ENO1: variants seen among roughly 807,000 people sequenced by gnomAD.
The protein encoded by ENO1 is enolase 1, also known as alpha-enolase.
Under a neutral mutation model 46.3 loss-of-function variants are expected in ENO1, and 33 were observed. The ratio of observed to expected loss-of-function variants is 0.71; its 90% CI spans 0.54 to 0.95. The LOEUF is 0.95. Among genes scored for constraint, ENO1 ranks in the 40% least tolerant of loss-of-function variants. The pLI is 0.00. For missense variants in ENO1, 488 were observed against 553.3 expected (o/e 0.88, Z 1.18); for synonymous variants, 220 against 216.0 (o/e 1.02, Z -0.16).
In ENO1 at chr1:8,864,097, G is replaced by A; in HGVS notation, c.866-5C>T. On this transcript the variant is annotated splice_polypyrimidine_tract_variant and splice_region_variant and intron_variant, in intron 8 of 11. Transcript: ENST00000234590. ...AGGGATCTTCGATAGACACCACTAA[G>A]GAAAGGAGGGACACGCTTCATCAGT... The A allele has an allele frequency of 6.2e-7, 1 of 1,613,874 alleles. No homozygotes were observed.
chr1:8,865,583 G>C (rs1432810563), intron 7 of ENO1, 101 bp from the exon 8 acceptor site: 2 of 1,166,862 alleles, frequency 1.7e-6, no homozygotes, highest in African/African-American at 3.0e-5. Context: ...AAGATCAACA[G>C]GTGTTCAGGC....
intron 9 of ENO1, 150 bp downstream of exon 9, chr1:8,863,741 A>C: frequency 1.1e-6 from 1 of 901,436 alleles, no homozygotes; most frequent in South Asian, 1.6e-5. Context: ...TTAATTTAAA[A>C]GGCTCCTGAG....
chr1:8,875,378 GATGA>G (rs1642714750), intron 1 of ENO1, among the ~76,000 whole-genome samples: 1 of 151,990 alleles, frequency 6.6e-6, no homozygotes. Flanking sequence ...CAAATAGAAA[GATGA>G]ATGTGTTGCT....
intron 9 of ENO1, 152 bp from the exon 10 acceptor site, chr1:8,863,495 G>A: frequency 3.9e-6 from 3 of 766,232 alleles, no homozygotes; most frequent in South Asian, 1.9e-5. Context: ...GAGCACAGAG[G>A]AGAACCCTCA....
intron 1 of ENO1, among the ~76,000 whole-genome samples, chr1:8,877,113 A>G (rs753317337): frequency 6.6e-6 from 1 of 151,680 alleles, no homozygotes; most frequent in Non-Finnish European, 1.5e-5. Context: ...GCCCACCACC[A>G]CACCCGGCTA....
chr1:8,872,450 T>C (rs898377137), intron 2 of ENO1, among the ~76,000 whole-genome samples: 1 of 152,132 alleles, frequency 6.6e-6, no homozygotes, highest in Admixed American at 6.5e-5. Context: ...TGGCGTGATC[T>C]TGGCTCACTG....
Position 8,865,334 on chromosome 1 carries a change from C to T in ENO1, c.816G>A (p.Ser272=), listed in dbSNP as rs751946897. ...TGTACAGGTCAGCCAGCTGGTCAGG[C>T]GAGATGTACCTGCTGGGGTCATCGG... ...KSPDDPSRYI[S]PDQLADLYKS... The change falls in exon 8 of 12, where the codon TCG becomes TCA. Residue 272 remains serine, a synonymous_variant. Transcript: ENST00000234590. 32 of 1,614,014 alleles carry T rather than the reference C, an allele frequency of 2.0e-5. No homozygotes were observed. Among genetic ancestry groups the T allele is most frequent in the Admixed American group, 1.0e-4 (6 of 59,990 alleles).
At position 8,867,182 on chromosome 1, in the gene ENO1, C is replaced by A. The variant is rs1207221510; in HGVS notation, c.379G>T (p.Gly127Trp). The A allele has an allele frequency of 6.2e-7, 1 of 1,614,070 alleles. No individual in the cohort carries two copies. The highest frequency in any genetic ancestry group is 8.5e-7 in the Non-Finnish European group (1 of 1,180,040). Residue 127 changes from glycine to tryptophan, a missense_variant, in exon 6 of 12, where the codon GGG becomes TGG. By Grantham distance (184) the Gly-to-Trp change is radical (BLOSUM62 -2). Coordinates refer to ENST00000234590, the MANE Select transcript of ENO1 (RefSeq NM_001428.5). ...AVCKAGAVEK[G>W]VPLYRHIADL... ...GCGATGTGGCGGTACAGGGGGACCC[C>A]CTTCTCAACGGCACCAGCTTTGCAG... is the stretch of plus-strand genomic sequence containing the variant.
At chr1:8,873,614 G>A (rs1642676042) in intron 2 of ENO1, among the ~76,000 whole-genome samples, 1 of 152,198 alleles carries the variant, frequency 6.6e-6, no homozygotes, top group Non-Finnish European at 1.5e-5. Flanking sequence ...AAGCCAGTGA[G>A]AAACCCCACA....
chr1:8,861,965 GTGAAACCCCGTC>G (rs1642415062), intron 11 of ENO1, among the ~76,000 whole-genome samples: 1 of 151,126 alleles, frequency 6.6e-6, no homozygotes, highest in African/African-American at 2.4e-5. Flanking sequence ...GACCAATATG[GTGAAACCCCGTC>G]TCTATTAAAA....
chr1:8,875,068 A>G (rs911509968), intron 1 of ENO1, among the ~76,000 whole-genome samples, 151 bp from the exon 2 acceptor site: 6 of 152,148 alleles, frequency 3.9e-5, no homozygotes, highest in African/African-American at 1.4e-4. Context: ...GGGTGGGGGG[A>G]AAAGCCTGCT....
chr1:8,873,230 T>TG lies in ENO1; in HGVS notation c.86-1245dup, dbSNP rs542016969. 2.5e-3 allele frequency among the ~76,000 whole-genome samples: 377 copies of TG among 152,170 alleles called. 2 individuals carry two copies. The highest frequency in any genetic ancestry group is 8.5e-3 in the African/African-American group (353 of 41,500). ...ACCACTCTAGTGGGGATGCTGACAA[T>TG]GGGGGGGCTGCGCATGTGCAGAGGC... On this transcript the variant is annotated intron_variant, in intron 2 of 11. Transcript: ENST00000234590.
At position 8,866,470 on chromosome 1, in the gene ENO1, G is replaced by A. The variant is rs767550451; in HGVS notation, c.476C>T (p.Ala159Val). Residue 159 changes from alanine to valine, a missense_variant, in exon 7 of 12, where the codon GCT becomes GTT. By Grantham distance (64) the Ala-to-Val change is moderately conservative. Coordinates refer to ENST00000234590, the MANE Select transcript of ENO1 (RefSeq NM_001428.5). Reference protein sequence around the residue: ...AFNVINGGSHAGNKLAMQEFM... With the variant: ...AFNVINGGSHVGNKLAMQEFM... Reference sequence around the variant, plus strand: ...CTCCTGCATGGCCAGCTTGTTGCCAGCATGAGAACCGCCATTGATGACATT... The same window carrying A: ...CTCCTGCATGGCCAGCTTGTTGCCAACATGAGAACCGCCATTGATGACATT... The A allele has an allele frequency of 1.1e-5, 18 of 1,614,118 alleles. No homozygotes were observed. The highest frequency in any genetic ancestry group is 1.5e-5 in the Non-Finnish European group (18 of 1,180,048).
intron 10 of ENO1, 70 bp from the exon 11 acceptor site, chr1:8,863,015 G>A: frequency 1.9e-6 from 3 of 1,578,526 alleles, no homozygotes; most frequent in Non-Finnish European, 2.6e-6. Flanking sequence ...GGGAGAGGGT[G>A]TGGTGTCAGA....
rs576409908 is a variant in ENO1, at chr1:8,869,705, G to T, written c.240+747C>A. ...CTCCCAAGTAGCTGGGACTACAGGC[G>T]TGCACCACCATGCCCGGCCAATTTT... On this transcript the variant is annotated intron_variant, in intron 4 of 11. Coordinates refer to ENST00000234590, the MANE Select transcript of ENO1 (RefSeq NM_001428.5). 1.4e-4 allele frequency among the ~76,000 whole-genome samples: 22 copies of T among 152,240 alleles called. No individual in the cohort carries two copies. The South Asian group carries it at 3.9e-3, about 27-fold the overall frequency.
chr1:8,878,421 G>A (rs996819753), intron 1 of ENO1, among the ~76,000 whole-genome samples, 159 bp downstream of exon 1: 5 of 152,068 alleles, frequency 3.3e-5, no homozygotes, highest in Admixed American at 2.6e-4. Flanking sequence ...GGGTGAGCGG[G>A]GGCGCCAGTT....
At position 8,862,737 on chromosome 1, in the gene ENO1, G is replaced by T. The variant is rs1642432214; in HGVS notation, c.1235+150C>A. ...TAGGCCTAACTCTGTCCTGACCTAA[G>T]CCTGCTCAGGGCCTGGCTGTCTGCA... On this transcript the variant is annotated intron_variant, in intron 11 of 11. Transcript: ENST00000234590. 6 of 852,988 alleles carry T rather than the reference G, an allele frequency of 7.0e-6. No homozygotes were observed. In the South Asian group the frequency reaches 1.1e-4, roughly 16 times the overall value. The allele number at this position is 852,988 out of a possible 1,614,324, so 52.8% of individuals were successfully genotyped here. A position where few individuals can be genotyped will look rare whatever the true frequency, so the allele number is the denominator to read the frequency against.
chr1:8,863,820 G>T, intron 9 of ENO1, 71 bp downstream of exon 9: 2 of 1,540,402 alleles, frequency 1.3e-6, no homozygotes, highest in South Asian at 2.2e-5. Flanking sequence ...CCCATCACCA[G>T]AACAAAAGGG....
Position 8,872,427 on chromosome 1 carries a change from AGGCTAGAGTGTAT to A in ENO1, c.86-454_86-442del, listed in dbSNP as rs534397040. 8.5e-3 allele frequency among the ~76,000 whole-genome samples: 1,288 copies of A among 151,434 alleles called. 22 individuals are homozygous for A. The highest frequency in any genetic ancestry group is 0.03 in the African/African-American group (1,248 of 41,116). ...GAGACAGAATCTCGCTCTATCCCCC[AGGCTAGAGTGTAT>A]GGCGTGATCTTGGCTCACTGCAATC... On this transcript the variant is annotated intron_variant, in intron 2 of 11. Transcript: ENST00000234590.
Sources: gnomAD v4.1 joint callset for allele counts (sites outside exome capture counted in the v4.1 genomes callset) on GRCh38, gnomAD v4.1.1 for gene constraint, MANE v1.5 for transcripts, NCBI Gene and HGNC (gene_info 2026-07-23, HGNC 2026-07-21) for gene names.